NTM: variants seen among roughly 807,000 people sequenced by gnomAD.
NTM encodes the protein IgLON family member 2.
A neutral mutation model predicts 42.1 loss-of-function variants in NTM; 13 were observed. The ratio of observed to expected loss-of-function variants is 0.31; its 90% CI spans 0.20 to 0.49. NTM has a LOEUF of 0.49. NTM is among the 20% of genes least tolerant of loss of function. The pLI is 0.99. For missense variants in NTM, 373 were observed against 452.8 expected (o/e 0.82, Z 1.60); for synonymous variants, 187 against 179.2 (o/e 1.04, Z -0.35).
chr11:131,601,561 C>T (rs1042826254), intron 1 of NTM, among the ~76,000 whole-genome samples: 2 of 151,856 alleles, frequency 1.3e-5, no homozygotes, highest in African/African-American at 2.4e-5. Context: ...GACTAAAATG[C>T]TCCCACCTCA....
At chr11:131,667,089 G>T (rs751261215) in intron 1 of NTM, among the ~76,000 whole-genome samples, 29 of 152,166 alleles carry the variant, frequency 1.9e-4, no homozygotes, top group Admixed American at 7.2e-4. Flanking sequence ...GGAAGTAAGT[G>T]GGTTTCAGGG....
At chr11:131,824,658 T>G (rs772979355) in intron 1 of NTM, among the ~76,000 whole-genome samples, 2 of 152,218 alleles carry the variant, frequency 1.3e-5, no homozygotes, top group Non-Finnish European at 2.9e-5. Flanking sequence ...GACATTACAC[T>G]GGTCAAAGAA....
At chr11:132,049,128 C>G (rs12221940) in intron 2 of NTM, among the ~76,000 whole-genome samples, 9,017 of 152,100 alleles carry the variant, frequency 0.059, 305 homozygotes, top group South Asian at 0.17. Flanking sequence ...ACTTTGAGGC[C>G]ACACACCTCA....
At chr11:131,768,306 C>T (rs182871968) in intron 1 of NTM, among the ~76,000 whole-genome samples, 326 of 151,970 alleles carry the variant, frequency 2.1e-3, no homozygotes, top group Admixed American at 5.4e-3. Context: ...TTAGTACAGA[C>T]GGGGTTTCTC....
In NTM at chr11:131,950,797, C is replaced by T. The variant is rs192277609; in HGVS notation, c.167+39149C>T. ...AAAAATGAAATTCTTCTCTATGAAC[C>T]CTTCTCTAATCCTCCCACGCATGGC... is the stretch of plus-strand genomic sequence containing the variant. On this transcript the variant is annotated intron_variant, in intron 2 of 8. Coordinates refer to ENST00000683400, the MANE Select transcript of NTM (RefSeq NM_001352005.2). Among the ~76,000 whole-genome samples, 52 of 152,242 alleles carry T rather than the reference C, an allele frequency of 3.4e-4. 2 individuals carry two copies. Among genetic ancestry groups the T allele is most frequent in the African/African-American group, 1.1e-3 (45 of 41,526 alleles).
chr11:132,020,524 C>G (rs1593796390), intron 2 of NTM, among the ~76,000 whole-genome samples: 1 of 151,712 alleles, frequency 6.6e-6, no homozygotes, highest in African/African-American at 2.4e-5. Flanking sequence ...TTAGTGGTAA[C>G]TCTAATGAGT....
chr11:132,213,730 CTTTT>C (rs59685389), intron 4 of NTM, among the ~76,000 whole-genome samples: 1 of 80,538 alleles, frequency 1.2e-5, no homozygotes, highest in Non-Finnish European at 2.5e-5. Flanking sequence ...GGCCACCATT[CTTTT>C]TTTTTTTTTT....
At chr11:132,228,618 CA>C (rs1241745276) in intron 4 of NTM, among the ~76,000 whole-genome samples, 1 of 152,222 alleles carries the variant, frequency 6.6e-6, no homozygotes, top group Non-Finnish European at 1.5e-5. Context: ...CCCCAGAACT[CA>C]TGGCTCTTGA....
chr11:131,598,282 G>A (rs1459382739), intron 1 of NTM, among the ~76,000 whole-genome samples: 2 of 152,194 alleles, frequency 1.3e-5, no homozygotes, highest in Admixed American at 1.3e-4. Flanking sequence ...TTCCAGAACT[G>A]TTTTATCTTC....
chr11:132,178,969 TTAAG>T (rs1425728060), intron 3 of NTM, among the ~76,000 whole-genome samples: 20 of 152,238 alleles, frequency 1.3e-4, no homozygotes, highest in Non-Finnish European at 1.3e-4. Flanking sequence ...ATTACATTAA[TTAAG>T]TAAGCGGGAT....
At chr11:132,312,167 GGGTCTGCCAGGTA>G (rs1565451485) in intron 6 of NTM, among the ~76,000 whole-genome samples, 2 of 152,168 alleles carry the variant, frequency 1.3e-5, no homozygotes, top group Non-Finnish European at 2.9e-5. Context: ...ACAGCAAGTT[GGGTCTGCCAGGTA>G]GGTCTCCCAA....
intron 1 of NTM, among the ~76,000 whole-genome samples, chr11:131,574,347 C>T (rs867639916): frequency 6.6e-6 from 1 of 152,124 alleles, no homozygotes; most frequent in African/African-American, 2.4e-5. Context: ...CCCTCAGGTG[C>T]CCCACTCCCT....
chr11:131,856,612 C>T (rs1388132828), intron 1 of NTM, among the ~76,000 whole-genome samples: 5 of 152,120 alleles, frequency 3.3e-5, no homozygotes, highest in East Asian at 1.9e-4. Flanking sequence ...CTTGATCTTA[C>T]GATCTAGTTA....
chr11:132,302,356 G>A (rs1170991272), intron 4 of NTM, among the ~76,000 whole-genome samples: 2 of 152,098 alleles, frequency 1.3e-5, no homozygotes, highest in Non-Finnish European at 2.9e-5. Flanking sequence ...CTACACACTC[G>A]ATAAACCTTT....
At chr11:132,223,152 T>C (rs2138891021) in intron 4 of NTM, among the ~76,000 whole-genome samples, 1 of 152,320 alleles carries the variant, frequency 6.6e-6, no homozygotes, top group Non-Finnish European at 1.5e-5. Context: ...TCAGTAATTG[T>C]TTATTGAGCA....
At chr11:131,711,917 G>GTGGGAAT (rs1054156822) in intron 1 of NTM, among the ~76,000 whole-genome samples, 1 of 143,424 alleles carries the variant, frequency 7.0e-6, no homozygotes, top group African/African-American at 2.6e-5. Flanking sequence ...TCACTCATAG[G>GTGGGAAT]TGGGAATTGA....
intron 1 of NTM, among the ~76,000 whole-genome samples, chr11:131,630,106 C>G (rs976886458): frequency 5.3e-5 from 8 of 152,060 alleles, no homozygotes; most frequent in Admixed American, 1.3e-4. Flanking sequence ...CCCACACAAC[C>G]CTCCTGCTAG....
chr11:132,217,665 G>A (rs888288554), intron 4 of NTM, among the ~76,000 whole-genome samples: 1 of 151,880 alleles, frequency 6.6e-6, no homozygotes, highest in African/African-American at 2.4e-5. Context: ...ATACCAACAG[G>A]GCTCAGTAAC....
At chr11:131,846,361 A>T (rs1349500433) in intron 1 of NTM, among the ~76,000 whole-genome samples, 4 of 152,080 alleles carry the variant, frequency 2.6e-5, no homozygotes, top group Non-Finnish European at 5.9e-5. Flanking sequence ...CTAAGTCAGT[A>T]GTTTCTTCTC....
Sources: gnomAD v4.1 joint callset for allele counts (sites outside exome capture counted in the v4.1 genomes callset) on GRCh38, gnomAD v4.1.1 for gene constraint, MANE v1.5 for transcripts, NCBI Gene and HGNC (gene_info 2026-07-23, HGNC 2026-07-21) for gene names.